ZBTB20: variants seen among roughly 807,000 people sequenced by gnomAD.
The protein encoded by ZBTB20 is zinc finger and BTB domain containing 20, also known as zinc finger and BTB domain-containing protein 20.
Under a neutral mutation model 56.9 loss-of-function variants are expected in ZBTB20, and 9 were observed. The observed-to-expected ratio is 0.16, with a 90% CI of 0.10 to 0.28. The LOEUF (loss-of-function observed/expected upper bound fraction) is 0.28. Among genes scored for constraint, ZBTB20 ranks in the 10% least tolerant of loss-of-function variants. The probability of loss-of-function intolerance (pLI) is 1.00; values close to 1 mark genes in which losing one functional copy is unlikely to be tolerated. For synonymous variants in ZBTB20, 417 were observed against 420.7 expected (o/e 0.99, Z 0.11); for missense variants, 655 against 1,003.0 (o/e 0.65, Z 4.69).
At chr3:114,835,026 G>T (rs866699646) in intron 4 of ZBTB20, among the ~76,000 whole-genome samples, 5 of 152,128 alleles carry the variant, frequency 3.3e-5, no homozygotes, top group African/African-American at 1.2e-4. Flanking sequence ...ATCAAGGTCT[G>T]GTTAGGACAA....
intron 7 of ZBTB20, among the ~76,000 whole-genome samples, chr3:114,495,573 T>C (rs1443282777): frequency 1.3e-5 from 2 of 152,120 alleles, no homozygotes; most frequent in Non-Finnish European, 2.9e-5. Context: ...TTATTAAAAA[T>C]ACATGGAACT....
At chr3:114,732,891 G>T (rs945880797) in intron 5 of ZBTB20, among the ~76,000 whole-genome samples, 1 of 152,118 alleles carries the variant, frequency 6.6e-6, no homozygotes, top group South Asian at 2.1e-4. Context: ...AAGGGCTAGA[G>T]ATCACACACT....
rs1005979409 is a variant in ZBTB20, at chr3:114,324,960, A to T, written c.*14045T>A. 23 of 152,304 alleles carry T rather than the reference A, an allele frequency of 1.5e-4. No homozygotes were observed. The highest frequency in any genetic ancestry group is 5.5e-4 in the African/African-American group (23 of 41,564). 9.4% of individuals were successfully genotyped at this position (152,304 alleles called of 1,614,324 possible). A position where few individuals can be genotyped will look rare whatever the true frequency, so the allele number is the denominator to read the frequency against. On this transcript the variant is annotated 3_prime_UTR_variant, in exon 12 of 12. Coordinates refer to ENST00000675478, the MANE Select transcript of ZBTB20 (RefSeq NM_001348800.3). ...TGTAGTTTAAAATAGATTGTGGGAAAGGAATTAAGCATAGTGGGGTCAGCA... is the reference window on the plus strand; with the variant it reads ...TGTAGTTTAAAATAGATTGTGGGAATGGAATTAAGCATAGTGGGGTCAGCA...
intron 3 of ZBTB20, among the ~76,000 whole-genome samples, chr3:114,906,099 C>T (rs1427281911): frequency 1.3e-5 from 2 of 151,822 alleles, no homozygotes; most frequent in Non-Finnish European, 2.9e-5. Flanking sequence ...AGAGGCCACA[C>T]TACTTTATTC....
chr3:114,995,068 C>T (rs966233123), intron 2 of ZBTB20, among the ~76,000 whole-genome samples: 1 of 151,636 alleles, frequency 6.6e-6, no homozygotes, highest in South Asian at 2.1e-4. Context: ...TAAGTGTGTG[C>T]GCATGTGCTG....
chr3:114,976,378 C>G (rs796333440), intron 2 of ZBTB20, among the ~76,000 whole-genome samples: 1 of 152,164 alleles, frequency 6.6e-6, no homozygotes, highest in Non-Finnish European at 1.5e-5. Context: ...GTAATCCCAG[C>G]AGTTCGGGAG....
chr3:114,523,879 ATAT>A (rs777910313), intron 6 of ZBTB20, among the ~76,000 whole-genome samples: 2 of 152,210 alleles, frequency 1.3e-5, no homozygotes, highest in African/African-American at 2.4e-5. Context: ...ACAAGGAAAC[ATAT>A]TATATTTGCT....
intron 1 of ZBTB20, among the ~76,000 whole-genome samples, chr3:115,078,330 C>T (rs1229678204): frequency 6.6e-6 from 1 of 152,030 alleles, no homozygotes; most frequent in Non-Finnish European, 1.5e-5. Flanking sequence ...GAGTGCTAAG[C>T]CAGAACTCTG....
At chr3:114,409,396 G>A (rs1392415045) in intron 7 of ZBTB20, among the ~76,000 whole-genome samples, 3 of 151,800 alleles carry the variant, frequency 2.0e-5, no homozygotes, top group African/African-American at 7.3e-5. Context: ...ATAGCCAATC[G>A]ATTTTGGCCT....
At chr3:114,358,779 T>C (rs961524887) in intron 10 of ZBTB20, among the ~76,000 whole-genome samples, 1 of 152,224 alleles carries the variant, frequency 6.6e-6, no homozygotes, top group East Asian at 1.9e-4. Flanking sequence ...CAAAGGATCT[T>C]AAATCTAAAT....
intron 5 of ZBTB20, among the ~76,000 whole-genome samples, chr3:114,779,924 G>C (rs2069942648): frequency 6.6e-6 from 1 of 152,054 alleles, no homozygotes; most frequent in Non-Finnish European, 1.5e-5. Context: ...GGTCTTCAAA[G>C]TGGGTAGATT....
At chr3:114,748,306 CT>C (rs1256660118) in intron 5 of ZBTB20, among the ~76,000 whole-genome samples, 3 of 135,450 alleles carry the variant, frequency 2.2e-5, no homozygotes, top group Non-Finnish European at 4.7e-5. Flanking sequence ...TTCTTTCTTT[CT>C]TTCTTTCTTT....
chr3:114,536,972 T>A (rs2048535043), intron 6 of ZBTB20, among the ~76,000 whole-genome samples: 1 of 152,118 alleles, frequency 6.6e-6, no homozygotes, highest in Non-Finnish European at 1.5e-5. Context: ...TCCTTACACC[T>A]TATACAAAAA....
intron 6 of ZBTB20, among the ~76,000 whole-genome samples, chr3:114,508,311 C>CT (rs2109772326): frequency 6.6e-6 from 1 of 152,220 alleles, no homozygotes; most frequent in South Asian, 2.1e-4. Context: ...TACCTTTTAG[C>CT]TTTGGAGCTC....
chr3:114,719,388 C>T (rs533924971), intron 5 of ZBTB20, among the ~76,000 whole-genome samples: 2 of 152,154 alleles, frequency 1.3e-5, no homozygotes, highest in South Asian at 2.1e-4. Flanking sequence ...AAAGATCCAA[C>T]ACAAAGCTAG....
intron 7 of ZBTB20, among the ~76,000 whole-genome samples, chr3:114,477,264 G>A (rs75050124): frequency 0.011 from 1,688 of 152,144 alleles, 28 homozygotes; most frequent in African/African-American, 0.034. Context: ...TTACCATTAC[G>A]AAGCATTTTC....
chr3:114,774,596 C>G (rs2069450555), intron 5 of ZBTB20, among the ~76,000 whole-genome samples: 2 of 152,076 alleles, frequency 1.3e-5, no homozygotes. Context: ...AAATTAATCC[C>G]CATTTTATGT....
chr3:115,043,669 G>A (rs1277499679), intron 2 of ZBTB20, among the ~76,000 whole-genome samples: 4 of 151,086 alleles, frequency 2.6e-5, no homozygotes, highest in Non-Finnish European at 5.9e-5. Flanking sequence ...CAGAAAAAAA[G>A]AGATCATCTA....
rs2078700839 is a variant in ZBTB20 at position 114,316,781 on chromosome 3, G to C, written c.*22224C>G. On this transcript the variant is annotated 3_prime_UTR_variant, in exon 12 of 12. Transcript: ENST00000675478. ...CTCAGCCCCAAGCAAGAGAAACCTGGGTTTGGTCATGCTGGGGGCTGACGT... is the reference window on the plus strand; with the variant it reads ...CTCAGCCCCAAGCAAGAGAAACCTGCGTTTGGTCATGCTGGGGGCTGACGT... 1 of 305,758 alleles carries C rather than the reference G, an allele frequency of 3.3e-6. No individual in the cohort carries two copies. The highest frequency in any genetic ancestry group is 6.6e-6 in the Non-Finnish European group (1 of 151,904). 18.9% of individuals were successfully genotyped at this position (305,758 alleles called of 1,614,324 possible).
Sources: gnomAD v4.1 joint callset for allele counts (sites outside exome capture counted in the v4.1 genomes callset) on GRCh38, gnomAD v4.1.1 for gene constraint, MANE v1.5 for transcripts, NCBI Gene and HGNC (gene_info 2026-07-23, HGNC 2026-07-21) for gene names.